VPS37A: variants seen among roughly 807,000 people sequenced by gnomAD.
VPS37A encodes VPS37A subunit of ESCRT-I.
Under a neutral mutation model 49.8 loss-of-function variants are expected in VPS37A, and 30 were observed. The ratio of observed to expected loss-of-function variants is 0.60; its 90% CI spans 0.45 to 0.82. The LOEUF is 0.82. Ranked by LOEUF, VPS37A falls within the 40% of genes least tolerant of loss-of-function variation. VPS37A has a pLI of 0.00. For synonymous variants in VPS37A, 195 were observed against 160.6 expected (o/e 1.21, Z -1.62); for missense variants, 593 against 464.4 (o/e 1.28, Z -2.55).
downstream of VPS37A, chr8:17,300,357 T>A: frequency 9.8e-7 from 1 of 1,017,866 alleles, no homozygotes; most frequent in Non-Finnish European, 1.4e-6. Context: ...GGGATGTGAG[T>A]TCAAACCTGG....
intron 1 of VPS37A, among the ~76,000 whole-genome samples, chr8:17,250,954 G>A (rs1811919489): frequency 6.6e-6 from 1 of 152,176 alleles, no homozygotes; most frequent in Non-Finnish European, 1.5e-5. Context: ...TCTCTTCTAA[G>A]TATCACTTAC....
At chr8:17,332,589 A>C in the VPS37A span, among the ~76,000 whole-genome samples, 1 of 152,218 alleles carries the variant, frequency 6.6e-6, no homozygotes, top group African/African-American at 2.4e-5. Flanking sequence ...TGAAAAGTGC[A>C]TGGCAAACTG....
At chr8:17,287,424 C>G (rs1815708903) in intron 11 of VPS37A, among the ~76,000 whole-genome samples, 1 of 152,062 alleles carries the variant, frequency 6.6e-6, no homozygotes, top group African/African-American at 2.4e-5. Context: ...CCTGTAATCC[C>G]AGCACTTTGG....
the VPS37A span, chr8:17,311,633 C>G: frequency 1.2e-6 from 2 of 1,614,156 alleles, no homozygotes; most frequent in South Asian, 2.2e-5. Flanking sequence ...TCCTCTGACA[C>G]TGCCTAGAAA....
intron 4 of VPS37A, 49 bp downstream of exon 4, chr8:17,269,005 T>A: frequency 7.8e-7 from 1 of 1,282,988 alleles, no homozygotes; most frequent in Non-Finnish European, 1.1e-6. Context: ...TTTTAATGTA[T>A]TAATCAAAAT....
the VPS37A span, among the ~76,000 whole-genome samples, chr8:17,332,016 C>G: frequency 6.6e-6 from 1 of 152,076 alleles, no homozygotes; most frequent in East Asian, 1.9e-4. Flanking sequence ...ACTGTCCTAG[C>G]CTGCGTGGCT....
intron 9 of VPS37A, among the ~76,000 whole-genome samples, chr8:17,282,512 C>T (rs968903589): frequency 4.6e-5 from 7 of 151,774 alleles, no homozygotes; most frequent in African/African-American, 1.7e-4. Context: ...ATTGAAAACT[C>T]AGATATATTA....
At chr8:17,300,552 C>G (rs1446505306), downstream of VPS37A, among the ~76,000 whole-genome samples, 2 of 152,142 alleles carry the variant, frequency 1.3e-5, no homozygotes, top group African/African-American at 2.4e-5. Flanking sequence ...CCCATGAACT[C>G]AAAAAACATT....
At chr8:17,279,147 A>T (rs1814795192) in intron 6 of VPS37A, among the ~76,000 whole-genome samples, 1 of 152,140 alleles carries the variant, frequency 6.6e-6, no homozygotes, top group Non-Finnish European at 1.5e-5. Context: ...CACAGAGGTT[A>T]AAACGGAGTT....
intron 3 of VPS37A, among the ~76,000 whole-genome samples, 181 bp downstream of exon 3, chr8:17,268,553 G>C (rs1250535175): frequency 6.6e-6 from 1 of 152,102 alleles, no homozygotes; most frequent in Non-Finnish European, 1.5e-5. Flanking sequence ...GATTGTGAAA[G>C]ATTATAACTT....
chr8:17,276,333 TTAG>T, intron 5 of VPS37A, 61 bp from the exon 6 acceptor site: 1 of 1,270,976 alleles, frequency 7.9e-7, no homozygotes, highest in Non-Finnish European at 1.1e-6. Context: ...ATTACGTTTA[TTAG>T]TAATTGAGAG....
chr8:17,333,377 G>C, the VPS37A span, among the ~76,000 whole-genome samples: 1 of 152,116 alleles, frequency 6.6e-6, no homozygotes, highest in Non-Finnish European at 1.5e-5. Flanking sequence ...TCACTGCTTT[G>C]TATAATTATT....
At chr8:17,311,625 C>A in the VPS37A span, 1 of 1,614,116 alleles carries the variant, frequency 6.2e-7, no homozygotes, top group Non-Finnish European at 8.5e-7. Context: ...TTGCCCCTTC[C>A]TCTGACACTG....
chr8:17,304,290 C>G (rs1817309284), downstream of VPS37A: 2 of 1,401,252 alleles, frequency 1.4e-6, no homozygotes. Context: ...CCTCAAAGAT[C>G]AGTGTCATAC....
intron 5 of VPS37A, among the ~76,000 whole-genome samples, chr8:17,275,908 G>A (rs906439289): frequency 3.3e-5 from 5 of 152,080 alleles, no homozygotes; most frequent in Non-Finnish European, 5.9e-5. Context: ...AGTTAGTAGT[G>A]TGAACAAAAT....
chr8:17,303,837 T>G (rs1309704782), downstream of VPS37A, among the ~76,000 whole-genome samples: 1 of 152,184 alleles, frequency 6.6e-6, no homozygotes, highest in Non-Finnish European at 1.5e-5. Context: ...CTTGAACTCC[T>G]GACCTAGGGT....
intron 1 of VPS37A, among the ~76,000 whole-genome samples, chr8:17,265,503 T>C (rs534778138): frequency 1.3e-5 from 2 of 152,318 alleles, no homozygotes; most frequent in African/African-American, 4.8e-5. Flanking sequence ...TTCAAGCTGT[T>C]AAGACCCAGA....
chr8:17,267,614 C>T (rs1158981156), intron 2 of VPS37A, among the ~76,000 whole-genome samples: 1 of 152,148 alleles, frequency 6.6e-6, no homozygotes, highest in Non-Finnish European at 1.5e-5. Flanking sequence ...TTGTTTCAAT[C>T]CTCCTACTTT....
chr8:17,274,261 A>T (rs73208562), intron 4 of VPS37A, among the ~76,000 whole-genome samples: 12 of 152,380 alleles, frequency 7.9e-5, no homozygotes, highest in Non-Finnish European at 1.5e-4. Context: ...GCTCATCTGC[A>T]TACTTAATTT....
Sources: gnomAD v4.1 joint callset for allele counts (sites outside exome capture counted in the v4.1 genomes callset) on GRCh38, gnomAD v4.1.1 for gene constraint, MANE v1.5 for transcripts, NCBI Gene and HGNC (gene_info 2026-07-23, HGNC 2026-07-21) for gene names.